Variants in HECW2 observed in about 807,000 individuals in gnomAD.
HECW2 encodes E3 ubiquitin-protein ligase HECW2.
Under a neutral mutation model 175.2 loss-of-function variants are expected in HECW2, and 61 were observed. That is an observed-to-expected ratio of 0.35 (90% CI 0.28 to 0.43). The LOEUF is 0.43. Among genes scored for constraint, HECW2 ranks in the 20% least tolerant of loss-of-function variants. The pLI, the probability that HECW2 is intolerant of heterozygous loss-of-function variation, is 1.00. For missense variants in HECW2, 1,524 were observed against 2,000.5 expected (o/e 0.76, Z 4.54); for synonymous variants, 671 against 731.0 (o/e 0.92, Z 1.32).
At chr2:196,317,100 G>A in intron 10 of HECW2, 174 bp downstream of exon 10, 1 of 554,342 alleles carries the variant, frequency 1.8e-6, no homozygotes, top group Non-Finnish European at 3.3e-6. Context: ...TGGTGCCAGA[G>A]AAGAGTCATT....
chr2:196,316,313 T>G (rs1366602618), intron 10 of HECW2: 5 of 152,236 alleles, frequency 3.3e-5, no homozygotes, highest in Non-Finnish European at 7.3e-5. Flanking sequence ...TGTCACTACT[T>G]GCCAGACTAA....
At chr2:196,472,901 C>T (rs776626306) in intron 1 of HECW2, among the ~76,000 whole-genome samples, 2 of 152,096 alleles carry the variant, frequency 1.3e-5, no homozygotes, top group Non-Finnish European at 1.5e-5. Context: ...GATTCCGGGC[C>T]GGAGCCACCG....
intron 2 of HECW2, among the ~76,000 whole-genome samples, chr2:196,428,608 T>C (rs1444793507): frequency 6.6e-6 from 1 of 152,202 alleles, no homozygotes. Context: ...AACACAGTAT[T>C]GGTCCTATTA....
At chr2:196,513,678 G>A (rs1688040390) in intron 1 of HECW2, among the ~76,000 whole-genome samples, 1 of 152,140 alleles carries the variant, frequency 6.6e-6, no homozygotes, top group African/African-American at 2.4e-5. Flanking sequence ...AACAAATAAA[G>A]ATAGTAAGAA....
At chr2:196,331,210 C>A in intron 4 of HECW2, 4 of 985,340 alleles carry the variant, frequency 4.1e-6, no homozygotes, top group Non-Finnish European at 4.8e-6. Flanking sequence ...ATCTATAGAT[C>A]CAATTCCTGG....
chr2:196,341,481 C>A (rs1285782375), intron 3 of HECW2, among the ~76,000 whole-genome samples: 3 of 152,306 alleles, frequency 2.0e-5, no homozygotes, highest in Middle Eastern at 6.8e-3. Flanking sequence ...GATAGTCGTG[C>A]CAGCTGGGGC....
chr2:196,534,078 T>C (rs1489265169), intron 1 of HECW2, among the ~76,000 whole-genome samples: 1 of 152,190 alleles, frequency 6.6e-6, no homozygotes, highest in South Asian at 2.1e-4. Flanking sequence ...TCACTGATAA[T>C]ATGTATCTGC....
chr2:196,513,066 C>G (rs1688011629), intron 1 of HECW2, among the ~76,000 whole-genome samples: 1 of 152,098 alleles, frequency 6.6e-6, no homozygotes, highest in Non-Finnish European at 1.5e-5. Flanking sequence ...TAATCCATTC[C>G]ACTATTCTTG....
At chr2:196,464,560 C>A (rs1696873361) in intron 1 of HECW2, among the ~76,000 whole-genome samples, 3 of 152,102 alleles carry the variant, frequency 2.0e-5, no homozygotes, top group Admixed American at 2.0e-4. Flanking sequence ...AAGTATAACT[C>A]CCAGGATTTT....
chr2:196,453,890 T>C (rs747133784), intron 1 of HECW2, among the ~76,000 whole-genome samples: 3 of 152,194 alleles, frequency 2.0e-5, no homozygotes, highest in South Asian at 4.1e-4. Context: ...AAAAGCTCCA[T>C]GTAAGACTGC....
chr2:196,505,310 G>A (rs1378238138), intron 1 of HECW2, among the ~76,000 whole-genome samples: 4 of 152,090 alleles, frequency 2.6e-5, no homozygotes, highest in Admixed American at 6.6e-5. Flanking sequence ...AAGCTGAGGC[G>A]GGTGGATCAC....
chr2:196,317,315 TC>T lies in HECW2; in HGVS notation c.2392del (p.Asp798MetfsTer32). 2 of 1,613,636 alleles carry T rather than the reference TC, an allele frequency of 1.2e-6. No individual in the cohort carries two copies. The highest frequency in any genetic ancestry group is 1.7e-6 in the Non-Finnish European group (2 of 1,179,838). On this transcript the variant is annotated frameshift_variant, in exon 10 of 29. Coordinates refer to ENST00000644978, the MANE Select transcript of HECW2 (RefSeq NM_001348768.2). LOFTEE classifies it high-confidence loss of function. Reference sequence around the variant, plus strand: ...GTCCACCCTCTGGTACCGGCTAACATCCTGGCGCACTGAAGGTAGTGATCGC... The same window carrying T: ...GTCCACCCTCTGGTACCGGCTAACATCTGGCGCACTGAAGGTAGTGATCGC... ...PLRSLPSVRQ[D>X]VSRYQRVDEA...
intron 1 of HECW2, among the ~76,000 whole-genome samples, chr2:196,513,946 G>A (rs1229530881): frequency 6.6e-6 from 1 of 152,250 alleles, no homozygotes; most frequent in Non-Finnish European, 1.5e-5. Context: ...TGACGCTGGT[G>A]GCAGTGGGGG....
intron 1 of HECW2, among the ~76,000 whole-genome samples, chr2:196,470,731 T>C (rs947765157): frequency 6.6e-6 from 1 of 152,146 alleles, no homozygotes; most frequent in African/African-American, 2.4e-5. Flanking sequence ...AAATAGAGTG[T>C]GGAGAAATAG....
At chr2:196,314,394 C>T (rs1487407343) in intron 10 of HECW2, among the ~76,000 whole-genome samples, 1 of 152,206 alleles carries the variant, frequency 6.6e-6, no homozygotes, top group Admixed American at 6.5e-5. Context: ...GTGTAAGCCA[C>T]CCTCTGCCTC....
intron 2 of HECW2, among the ~76,000 whole-genome samples, chr2:196,354,659 T>G (rs561527354): frequency 3.3e-5 from 5 of 152,240 alleles, no homozygotes; most frequent in Non-Finnish European, 7.3e-5. Flanking sequence ...TAAAGAGATC[T>G]CCATCTTATT....
chr2:196,201,386 G>A lies in HECW2; in HGVS notation c.4610C>T (p.Ala1537Val), dbSNP rs560792476. The A allele has an allele frequency of 4.7e-5, 76 of 1,607,584 alleles. No homozygotes were observed. Among genetic ancestry groups the A allele is most frequent in the Non-Finnish European group, 5.6e-5 (66 of 1,174,150 alleles). Reference sequence around the variant, plus strand: ...ATCCAGACGGTTAAAACATGTATGCGCTCTGAAAACACAAGAAACAGCACA... The same window carrying A: ...ATCCAGACGGTTAAAACATGTATGCACTCTGAAAACACAAGAAACAGCACA... ...KWGKITALPR[A>V]HTCFNRLDLP... Residue 1537 changes from alanine (A) to valine (V), a missense_variant and splice_region_variant, in exon 29 of 29, where the codon GCG (alanine) becomes GTG (valine). Ala to Val is a moderately conservative substitution (Grantham distance 64). This residue lies in a region of HECW2 where 134 missense variants were observed against 287.8 expected (regional missense o/e 0.47). Coordinates refer to ENST00000644978, the MANE Select transcript of HECW2 (RefSeq NM_001348768.2).
intron 1 of HECW2, among the ~76,000 whole-genome samples, chr2:196,582,208 C>T (rs1690811508): frequency 1.3e-5 from 2 of 152,096 alleles, no homozygotes; most frequent in South Asian, 4.1e-4. Context: ...TGTAATTTTA[C>T]CACAACAAAC....
chr2:196,519,670 A>G (rs1688279599), intron 1 of HECW2, among the ~76,000 whole-genome samples: 1 of 152,244 alleles, frequency 6.6e-6, no homozygotes, highest in Admixed American at 6.5e-5. Context: ...ATGGACTGCA[A>G]ATATTTCTGA....
Sources: gnomAD v4.1 joint callset for allele counts (sites outside exome capture counted in the v4.1 genomes callset) on GRCh38, gnomAD v4.1.1 for gene constraint, gnomAD v4.1.1 regional missense constraint, MANE v1.5 for transcripts, NCBI Gene and HGNC (gene_info 2026-07-23, HGNC 2026-07-21) for gene names.